The following RANBP2 variants were observed in gnomAD, a reference collection of about 807,000 sequenced individuals.
RANBP2 encodes the protein E3 SUMO-protein ligase RanBP2.
RANBP2 carries 57 observed loss-of-function variants against 303.6 expected under a neutral mutation model. The observed-to-expected ratio is 0.19, with a 90% confidence interval of 0.15 to 0.23. The LOEUF (loss-of-function observed/expected upper bound fraction) is 0.23. Ranked by LOEUF, RANBP2 falls within the 10% of genes least tolerant of loss-of-function variation. The probability of loss-of-function intolerance (pLI) is 1.00; values close to 1 mark genes in which losing one functional copy is unlikely to be tolerated. For synonymous variants in RANBP2, 1,167 were observed against 1,301.5 expected, an observed-to-expected ratio of 0.90 and a Z score of 2.23; for missense variants, 3,138 against 3,780.8, an observed-to-expected ratio of 0.83 and a Z score of 4.46.
the RANBP2 span, among the ~76,000 whole-genome samples, chr2:108,838,126 G>A: frequency 6.6e-6 from 1 of 151,964 alleles, no homozygotes; most frequent in Non-Finnish European, 1.5e-5. Context: ...GTAAGATTAC[G>A]GCAGAGAATA....
the RANBP2 span, among the ~76,000 whole-genome samples, chr2:108,958,539 G>C: frequency 6.6e-6 from 1 of 152,156 alleles, no homozygotes; most frequent in African/African-American, 2.4e-5. Context: ...CAAGACCCTG[G>C]ACCCAGGACG....
At chr2:109,565,403 T>C in the RANBP2 span, among the ~76,000 whole-genome samples, 12 of 152,200 alleles carry the variant, frequency 7.9e-5, no homozygotes, top group African/African-American at 2.9e-4. Flanking sequence ...TAGCCGGCAA[T>C]ACTTTGATCA....
At chr2:109,012,845 C>T in the RANBP2 span, among the ~76,000 whole-genome samples, 1 of 152,128 alleles carries the variant, frequency 6.6e-6, no homozygotes, top group Admixed American at 6.5e-5. Context: ...ACCTGGGAGG[C>T]GGAGCTTGCA....
At chr2:109,200,215 C>T in the RANBP2 span, among the ~76,000 whole-genome samples, 1 of 152,114 alleles carries the variant, frequency 6.6e-6, no homozygotes, top group Non-Finnish European at 1.5e-5. Context: ...AACACCCCAT[C>T]TGCAGAGTCG....
the RANBP2 span, among the ~76,000 whole-genome samples, chr2:108,837,810 A>T: frequency 6.6e-6 from 1 of 152,248 alleles, no homozygotes; most frequent in East Asian, 1.9e-4. Flanking sequence ...GGAGAAGTTT[A>T]TATAAAATTT....
chr2:109,290,259 A>G, the RANBP2 span, among the ~76,000 whole-genome samples: 1 of 152,266 alleles, frequency 6.6e-6, no homozygotes, highest in Non-Finnish European at 1.5e-5. Context: ...GTAAAGACAG[A>G]CAAGGAAAAT....
chr2:109,542,940 C>T, the RANBP2 span: 5 of 152,190 alleles, frequency 3.3e-5, no homozygotes, highest in Admixed American at 6.6e-5. Context: ...ATTAAATGAA[C>T]GTTTTTAAAA....
At chr2:109,441,831 A>G in the RANBP2 span, among the ~76,000 whole-genome samples, 1 of 152,212 alleles carries the variant, frequency 6.6e-6, no homozygotes, top group Non-Finnish European at 1.5e-5. Context: ...TGAAATAGAA[A>G]AAAAGATAAG....
chr2:109,003,205 C>CAAAAAAAA, the RANBP2 span, among the ~76,000 whole-genome samples: 1 of 45,432 alleles, frequency 2.2e-5, no homozygotes, highest in Non-Finnish European at 4.2e-5. Flanking sequence ...GTCTCCCTCT[C>CAAAAAAAA]AAAAAAAAAA....
the RANBP2 span, among the ~76,000 whole-genome samples, chr2:108,927,134 A>G: frequency 6.6e-6 from 1 of 152,164 alleles, no homozygotes; most frequent in Admixed American, 6.5e-5. Flanking sequence ...AACTGTCCCC[A>G]TCGTCTGCAC....
At chr2:109,384,383 G>A in the RANBP2 span, among the ~76,000 whole-genome samples, 9 of 152,070 alleles carry the variant, frequency 5.9e-5, no homozygotes, top group Non-Finnish European at 7.4e-5. Context: ...GTCAGCGCTC[G>A]GGACTTGGCA....
At chr2:109,405,976 T>G in the RANBP2 span, among the ~76,000 whole-genome samples, 1 of 152,188 alleles carries the variant, frequency 6.6e-6, no homozygotes, top group Non-Finnish European at 1.5e-5. Context: ...AGAGACTGTG[T>G]GGCCTTCCCC....
Position 108,766,715 on chromosome 2 carries a change from A to T in RANBP2, c.6176A>T (p.Asn2059Ile). ...VSQWKERGLG[N>I]LKILKNEVNG... ...CAGTGGAAAGAAAGGGGCTTGGGGA[A>T]CTTAAAAATTCTCAAAAACGAGGTC... The change falls in exon 20 of 29, where the codon AAC (asparagine) becomes ATC (isoleucine). Residue 2059 changes from asparagine (N) to isoleucine (I), a missense_variant. Around this residue, in one of 20 missense-constraint regions of RANBP2, gnomAD observed 103 missense variants for 214.3 expected, o/e 0.48. Transcript: ENST00000283195. The T allele has an allele frequency of 1.2e-6, 2 of 1,612,030 alleles. No homozygotes were observed. The highest frequency in any genetic ancestry group is 1.7e-6 in the Non-Finnish European group (2 of 1,179,856).
At chr2:109,678,852 C>T in the RANBP2 span, among the ~76,000 whole-genome samples, 1 of 152,146 alleles carries the variant, frequency 6.6e-6, no homozygotes, top group East Asian at 1.9e-4. Context: ...GCCGTAGAGC[C>T]CTTGGAAGCT....
At chr2:109,461,910 C>G in the RANBP2 span, among the ~76,000 whole-genome samples, 3 of 152,086 alleles carry the variant, frequency 2.0e-5, no homozygotes, top group Non-Finnish European at 1.5e-5. Context: ...GATGTTGTCT[C>G]TAAAAATTCA....
chr2:109,492,826 C>T, the RANBP2 span, among the ~76,000 whole-genome samples: 3 of 152,180 alleles, frequency 2.0e-5, no homozygotes, highest in Non-Finnish European at 4.4e-5. Flanking sequence ...TTGTGGACAT[C>T]GTGGGACATG....
At chr2:109,521,213 G>A in the RANBP2 span, among the ~76,000 whole-genome samples, 5 of 132,570 alleles carry the variant, frequency 3.8e-5, no homozygotes, top group African/African-American at 7.0e-5. Context: ...GCGAGACTCC[G>A]TCTCAAAAAA....
the RANBP2 span, among the ~76,000 whole-genome samples, chr2:109,588,218 A>G: frequency 2.6e-5 from 4 of 152,210 alleles, no homozygotes; most frequent in African/African-American, 9.6e-5. Flanking sequence ...ATCCACTGCC[A>G]GTTGGCCCAC....
At chr2:108,975,422 C>T in the RANBP2 span, among the ~76,000 whole-genome samples, 63 of 152,242 alleles carry the variant, frequency 4.1e-4, no homozygotes, top group African/African-American at 1.4e-3. Flanking sequence ...CATGGGCCGG[C>T]GAGACATGGA....
Sources: gnomAD v4.1 joint callset for allele counts (sites outside exome capture counted in the v4.1 genomes callset) on GRCh38, gnomAD v4.1.1 for gene constraint, gnomAD v4.1.1 regional missense constraint, MANE v1.5 for transcripts, NCBI Gene and HGNC (gene_info 2026-07-23, HGNC 2026-07-21) for gene names.